ARB2A: variants seen among roughly 807,000 people sequenced by gnomAD.
ARB2A encodes cotranscriptional regulator ARB2A.
At chr5:93,688,395 C>T in the ARB2A span, among the ~76,000 whole-genome samples, 10 of 152,222 alleles carry the variant, frequency 6.6e-5, no homozygotes, top group East Asian at 1.9e-4. Flanking sequence ...TATCTTCAAA[C>T]GCATTTCCAT....
At chr5:93,663,263 C>A in the ARB2A span, among the ~76,000 whole-genome samples, 1 of 152,162 alleles carries the variant, frequency 6.6e-6, no homozygotes, top group Non-Finnish European at 1.5e-5. Flanking sequence ...TAAAACAATT[C>A]GCTTACCTGT....
the ARB2A span, among the ~76,000 whole-genome samples, chr5:94,004,993 A>AAGCAG: frequency 2.9e-5 from 3 of 104,182 alleles, no homozygotes; most frequent in Non-Finnish European, 4.2e-5. Context: ...GAGCCATTTT[A>AAGCAG]TCAGCAAAAA....
the ARB2A span, among the ~76,000 whole-genome samples, chr5:93,845,743 G>GAGTGTC: frequency 3.3e-3 from 505 of 152,316 alleles, 3 homozygotes; most frequent in African/African-American, 0.012. Flanking sequence ...TTTGGAACGT[G>GAGTGTC]AGTGTCTGTG....
the ARB2A span, among the ~76,000 whole-genome samples, chr5:93,705,426 T>C: frequency 6.6e-6 from 1 of 152,130 alleles, no homozygotes; most frequent in Non-Finnish European, 1.5e-5. Context: ...TAACGGAGAT[T>C]TGTTGATCTT....
the ARB2A span, among the ~76,000 whole-genome samples, chr5:94,076,166 C>T: frequency 6.6e-6 from 1 of 152,024 alleles, no homozygotes. Context: ...TTGGTTTCTT[C>T]ATTTACGAAA....
the ARB2A span, among the ~76,000 whole-genome samples, chr5:93,642,244 A>T: frequency 1.3e-5 from 2 of 149,996 alleles, no homozygotes; most frequent in Non-Finnish European, 3.0e-5. Context: ...TCTGTCATCC[A>T]GGCTGGAGTG....
the ARB2A span, among the ~76,000 whole-genome samples, chr5:93,792,470 G>A: frequency 2.6e-5 from 4 of 152,176 alleles, no homozygotes; most frequent in South Asian, 8.3e-4. Context: ...CATGATTTCT[G>A]ACCTCTGGGT....
chr5:93,941,025 T>C, the ARB2A span, among the ~76,000 whole-genome samples: 1 of 152,150 alleles, frequency 6.6e-6, no homozygotes, highest in Non-Finnish European at 1.5e-5. Context: ...TCCTGACCTA[T>C]CTTTAATGTT....
At chr5:93,805,147 A>G in the ARB2A span, 1 of 983,972 alleles carries the variant, frequency 1.0e-6, no homozygotes, top group South Asian at 4.7e-5. Flanking sequence ...AAACATGGTA[A>G]CTTCTAGAAA....
chr5:93,980,556 A>T, the ARB2A span, among the ~76,000 whole-genome samples: 2 of 152,142 alleles, frequency 1.3e-5, no homozygotes, highest in Non-Finnish European at 2.9e-5. Context: ...TAGAACTCCT[A>T]TTAATACATG....
the ARB2A span, chr5:94,074,823 C>A: frequency 1.7e-6 from 2 of 1,209,520 alleles, no homozygotes; most frequent in South Asian, 1.3e-5. Context: ...ATCTATTCCA[C>A]GAGAACTTCC....
At chr5:93,706,530 T>C in the ARB2A span, among the ~76,000 whole-genome samples, 1 of 152,170 alleles carries the variant, frequency 6.6e-6, no homozygotes, top group Non-Finnish European at 1.5e-5. Flanking sequence ...CTCCTTTAAA[T>C]GGCTACAATG....
the ARB2A span, among the ~76,000 whole-genome samples, chr5:93,855,961 C>T: frequency 6.6e-6 from 1 of 151,902 alleles, no homozygotes; most frequent in Non-Finnish European, 1.5e-5. Context: ...CAAAGCTGGA[C>T]AGAGAATGAC....
chr5:94,084,852 C>T, the ARB2A span, among the ~76,000 whole-genome samples: 2 of 152,270 alleles, frequency 1.3e-5, no homozygotes, highest in East Asian at 3.9e-4. Context: ...ACCTATCTCA[C>T]TTCATACATG....
the ARB2A span, among the ~76,000 whole-genome samples, chr5:93,728,652 C>T: frequency 6.6e-6 from 1 of 151,984 alleles, no homozygotes; most frequent in Non-Finnish European, 1.5e-5. Flanking sequence ...GGTGCCAAGG[C>T]AAACCATCGA....
chr5:93,717,886 GT>G, the ARB2A span, among the ~76,000 whole-genome samples: 8 of 149,554 alleles, frequency 5.3e-5, no homozygotes, highest in African/African-American at 2.0e-4. Context: ...ACAGGCTGGA[GT>G]GCAGTGGCAT....
chr5:94,105,274 TAAAC>T, the ARB2A span, among the ~76,000 whole-genome samples: 2 of 152,074 alleles, frequency 1.3e-5, no homozygotes, highest in Non-Finnish European at 2.9e-5. Flanking sequence ...CTAGATCTGA[TAAAC>T]AACTTCTGCA....
At chr5:93,753,400 T>C in the ARB2A span, among the ~76,000 whole-genome samples, 3 of 152,246 alleles carry the variant, frequency 2.0e-5, no homozygotes, top group African/African-American at 7.2e-5. Flanking sequence ...CAACCTGGAC[T>C]ATTTAAGCAA....
the ARB2A span, among the ~76,000 whole-genome samples, chr5:94,093,970 C>T: frequency 1.4e-4 from 21 of 152,182 alleles, no homozygotes; most frequent in Non-Finnish European, 2.8e-4. Flanking sequence ...AAACCAGTGC[C>T]AAACTTAGAA....
Sources: allele counts gnomAD v4.1 joint callset (sites outside exome capture counted in the v4.1 genomes callset), GRCh38; gene constraint gnomAD v4.1.1; transcripts MANE v1.5; gene names NCBI Gene and HGNC (gene_info 2026-07-23, HGNC 2026-07-21).